The following DPP10 variants were observed in gnomAD, a reference collection of about 807,000 sequenced individuals.
DPP10 encodes inactive dipeptidyl peptidase 10.
Under a neutral mutation model 120.9 loss-of-function variants are expected in DPP10, and 33 were observed. The ratio of observed to expected loss-of-function variants is 0.27; its 90% CI spans 0.21 to 0.37. The LOEUF (loss-of-function observed/expected upper bound fraction) is 0.37, where lower values mean the gene tolerates loss of function less well. Among genes scored for constraint, DPP10 ranks in the 10% least tolerant of loss-of-function variants. The probability of loss-of-function intolerance (pLI) is 1.00; values close to 1 mark genes in which losing one functional copy is unlikely to be tolerated. For synonymous variants in DPP10, 337 were observed against 326.1 expected, an observed-to-expected ratio of 1.03 and a Z score of -0.36; for missense variants, 816 against 942.8, an observed-to-expected ratio of 0.87 and a Z score of 1.76.
intron 1 of DPP10, among the ~76,000 whole-genome samples, chr2:114,881,689 G>A (rs1413252321): frequency 1.3e-5 from 2 of 151,770 alleles, no homozygotes; most frequent in Non-Finnish European, 2.9e-5. Context: ...GAATTAATAA[G>A]ACCTGAGGAA....
intron 1 of DPP10, among the ~76,000 whole-genome samples, chr2:114,724,279 C>G (rs1558673588): frequency 6.6e-6 from 1 of 152,348 alleles, no homozygotes; most frequent in South Asian, 2.1e-4. Context: ...AAATGCCACA[C>G]ACTGGACACC....
chr2:115,294,889 C>T (rs1357690208), intron 1 of DPP10, among the ~76,000 whole-genome samples: 1 of 152,024 alleles, frequency 6.6e-6, no homozygotes, highest in Non-Finnish European at 1.5e-5. Flanking sequence ...CTGTCCCTCC[C>T]CAACCCCTCC....
intron 3 of DPP10, among the ~76,000 whole-genome samples, chr2:115,443,168 C>G (rs568765316): frequency 6.6e-6 from 1 of 152,272 alleles, no homozygotes; most frequent in Admixed American, 6.5e-5. Flanking sequence ...TAATATCAAT[C>G]ATGTGTACAA....
At chr2:115,752,727 A>C (rs1385456899) in intron 10 of DPP10, among the ~76,000 whole-genome samples, 1 of 152,162 alleles carries the variant, frequency 6.6e-6, no homozygotes, top group Non-Finnish European at 1.5e-5. Context: ...TTTAACTGGA[A>C]GAGATTATTC....
intron 1 of DPP10, among the ~76,000 whole-genome samples, chr2:114,910,028 A>G (rs531051526): frequency 1.3e-4 from 19 of 151,452 alleles, no homozygotes; most frequent in Middle Eastern, 3.4e-3. Context: ...ATGTGTGTGT[A>G]TATATATATA....
intron 1 of DPP10, chr2:115,234,073 T>A (rs1004504055): frequency 2.5e-6 from 1 of 401,802 alleles, no homozygotes; most frequent in African/African-American, 2.1e-5. Context: ...AGAATAATGA[T>A]GAAGAAGTGG....
Position 114,582,871 on chromosome 2 carries a change from G to A in DPP10, c.60+140033G>A, listed in dbSNP as rs536208396. 2.2e-4 allele frequency among the ~76,000 whole-genome samples: 34 copies of A among 152,196 alleles called. 1 individual carries two copies. Among genetic ancestry groups the A allele is most frequent in the Admixed American group, 9.8e-4 (15 of 15,280 alleles). ...TGGCTGTACATTAGAATCATCTATAGAGCTTTCAAATAATACAGGTTTGAC... is the reference window on the plus strand; with the variant it reads ...TGGCTGTACATTAGAATCATCTATAAAGCTTTCAAATAATACAGGTTTGAC... On this transcript the variant is annotated intron_variant, in intron 1 of 25. Coordinates refer to ENST00000410059, the MANE Select transcript of DPP10 (RefSeq NM_020868.6).
chr2:115,478,069 G>C (rs1031242712), intron 3 of DPP10, among the ~76,000 whole-genome samples: 11 of 152,118 alleles, frequency 7.2e-5, no homozygotes, highest in African/African-American at 2.7e-4. Context: ...CCAAAAGGAT[G>C]GCACTAAGCC....
At chr2:114,745,467 T>A (rs759430901) in intron 1 of DPP10, among the ~76,000 whole-genome samples, 11 of 152,220 alleles carry the variant, frequency 7.2e-5, no homozygotes, top group Non-Finnish European at 1.0e-4. Flanking sequence ...AAGGTCAGAA[T>A]TTTTTTAATT....
At chr2:115,118,874 C>A (rs1375083729) in intron 1 of DPP10, among the ~76,000 whole-genome samples, 1 of 151,994 alleles carries the variant, frequency 6.6e-6, no homozygotes, top group Non-Finnish European at 1.5e-5. Flanking sequence ...CTCGGCCTCT[C>A]AAAATGCTGG....
At chr2:114,839,296 T>A (rs1574315434) in intron 1 of DPP10, among the ~76,000 whole-genome samples, 1 of 152,312 alleles carries the variant, frequency 6.6e-6, no homozygotes, top group South Asian at 2.1e-4. Context: ...AGAGAGTTTC[T>A]GGATTGATCA....
intron 1 of DPP10, among the ~76,000 whole-genome samples, chr2:114,892,444 A>T (rs1445888342): frequency 1.3e-5 from 2 of 152,200 alleles, no homozygotes; most frequent in Non-Finnish European, 2.9e-5. Flanking sequence ...TCTAATGATG[A>T]AATCCATGGA....
intron 3 of DPP10, among the ~76,000 whole-genome samples, chr2:115,350,544 C>A (rs934908607): frequency 6.6e-6 from 1 of 152,060 alleles, no homozygotes; most frequent in East Asian, 1.9e-4. Flanking sequence ...TTCAGCTAGA[C>A]AAATATTAAT....
intron 1 of DPP10, among the ~76,000 whole-genome samples, chr2:115,121,533 G>A (rs2049824169): frequency 6.6e-6 from 1 of 152,168 alleles, no homozygotes; most frequent in Non-Finnish European, 1.5e-5. Flanking sequence ...CCTGGCCCAG[G>A]GGCATTTTTG....
chr2:115,678,315 C>A (rs368546011), intron 5 of DPP10, among the ~76,000 whole-genome samples: 1 of 152,218 alleles, frequency 6.6e-6, no homozygotes, highest in South Asian at 2.1e-4. Flanking sequence ...AGGCCCGGGG[C>A]CCCCCTGCTG....
At chr2:115,729,078 T>G (rs1432579272) in intron 8 of DPP10, among the ~76,000 whole-genome samples, 1 of 152,176 alleles carries the variant, frequency 6.6e-6, no homozygotes, top group Non-Finnish European at 1.5e-5. Flanking sequence ...ATATTAACAA[T>G]AAGTATGCTG....
At chr2:114,839,490 C>G (rs1273321632) in intron 1 of DPP10, among the ~76,000 whole-genome samples, 1 of 152,100 alleles carries the variant, frequency 6.6e-6, no homozygotes, top group Non-Finnish European at 1.5e-5. Flanking sequence ...TAATTACTGC[C>G]TATTGGGAGA....
intron 5 of DPP10, among the ~76,000 whole-genome samples, chr2:115,540,088 A>G (rs998979290): frequency 7.2e-5 from 11 of 151,926 alleles, no homozygotes; most frequent in Non-Finnish European, 1.5e-4. Context: ...GAAGAAATGT[A>G]GAATATAATT....
chr2:114,796,739 C>G (rs1052649738), intron 1 of DPP10, among the ~76,000 whole-genome samples: 1 of 152,122 alleles, frequency 6.6e-6, no homozygotes, highest in South Asian at 2.1e-4. Context: ...TGACTCATAA[C>G]CATAAATGGC....
Sources: gnomAD v4.1 joint callset for allele counts (sites outside exome capture counted in the v4.1 genomes callset) on GRCh38, gnomAD v4.1.1 for gene constraint, MANE v1.5 for transcripts, NCBI Gene and HGNC (gene_info 2026-07-23, HGNC 2026-07-21) for gene names.